SPMIP3: variants seen among roughly 807,000 people sequenced by gnomAD.
The protein encoded by SPMIP3 is protein SPMIP3.
At chr1:244,361,656 T>A in the SPMIP3 span, among the ~76,000 whole-genome samples, 1 of 152,202 alleles carries the variant, frequency 6.6e-6, no homozygotes, top group Non-Finnish European at 1.5e-5. Flanking sequence ...TATGCTTATA[T>A]AAAAATGGCA....
At chr1:244,363,522 C>A in the SPMIP3 span, among the ~76,000 whole-genome samples, 103,071 of 149,656 alleles carry the variant, frequency 0.69, 35,750 homozygotes, top group South Asian at 0.79. Flanking sequence ...GAATGGCTTA[C>A]AAAAAATCCT....
At chr1:244,383,233 T>A in the SPMIP3 span, among the ~76,000 whole-genome samples, 1 of 152,056 alleles carries the variant, frequency 6.6e-6, no homozygotes, top group Non-Finnish European at 1.5e-5. Context: ...TAACCATGGA[T>A]GGGTGTGGTG....
the SPMIP3 span, among the ~76,000 whole-genome samples, chr1:244,360,540 ACACACACACACACACACATG>A: frequency 5.1e-3 from 321 of 62,820 alleles, 1 homozygote; most frequent in African/African-American, 0.015. Context: ...ACACACACAC[ACACACACACACACACACATG>A]CATGCATGGA....
chr1:244,374,475 A>C, the SPMIP3 span, among the ~76,000 whole-genome samples: 1 of 152,188 alleles, frequency 6.6e-6, no homozygotes, highest in Non-Finnish European at 1.5e-5. Context: ...CAAAAGTAGA[A>C]AAAACCAGTA....
chr1:244,381,349 AC>A, the SPMIP3 span, among the ~76,000 whole-genome samples: 1 of 152,110 alleles, frequency 6.6e-6, no homozygotes, highest in Admixed American at 6.5e-5. Context: ...TTCCAAAGTG[AC>A]CTTCAACAGG....
the SPMIP3 span, among the ~76,000 whole-genome samples, chr1:244,368,844 T>C: frequency 0.38 from 58,024 of 152,184 alleles, 12,555 homozygotes; most frequent in Non-Finnish European, 0.51. Context: ...CACTTAGTAG[T>C]GGCCACATAA....
At chr1:244,371,456 T>C in the SPMIP3 span, among the ~76,000 whole-genome samples, 1 of 152,156 alleles carries the variant, frequency 6.6e-6, no homozygotes, top group African/African-American at 2.4e-5. Context: ...GCCATCCCTC[T>C]CTCCACACCC....
chr1:244,372,262 G>A, the SPMIP3 span, among the ~76,000 whole-genome samples: 3 of 152,214 alleles, frequency 2.0e-5, no homozygotes, highest in Admixed American at 6.5e-5. Flanking sequence ...TTGAGGACAA[G>A]CGCTGCTTCT....
chr1:244,378,023 A>C, the SPMIP3 span, among the ~76,000 whole-genome samples: 1 of 151,880 alleles, frequency 6.6e-6, no homozygotes, highest in Non-Finnish European at 1.5e-5. Context: ...CTCAGGCTGG[A>C]CTTGAACTCC....
chr1:244,373,883 G>A, the SPMIP3 span, among the ~76,000 whole-genome samples: 1 of 152,044 alleles, frequency 6.6e-6, no homozygotes, highest in African/African-American at 2.4e-5. Flanking sequence ...GGAGGCCAAG[G>A]TGGGCGGATC....
chr1:244,373,856 G>A, the SPMIP3 span, among the ~76,000 whole-genome samples: 1 of 152,102 alleles, frequency 6.6e-6, no homozygotes, highest in Non-Finnish European at 1.5e-5. Flanking sequence ...GCTCATGCCT[G>A]TAATCCCAGC....
chr1:244,389,213 GA>G, the SPMIP3 span: 1 of 632,786 alleles, frequency 1.6e-6, no homozygotes, highest in Non-Finnish European at 2.8e-6. Flanking sequence ...ATTCTTTGCA[GA>G]TTAAGTTGGT....
chr1:244,387,840 C>G, the SPMIP3 span, among the ~76,000 whole-genome samples: 1 of 151,574 alleles, frequency 6.6e-6, no homozygotes, highest in Admixed American at 6.6e-5. Context: ...AGAGAGTGGT[C>G]AAGGGTGACT....
At chr1:244,389,025 GA>G in the SPMIP3 span, 1 of 1,613,926 alleles carries the variant, frequency 6.2e-7, no homozygotes. Flanking sequence ...CTACTGTTGT[GA>G]AGAGAGAAGC....
the SPMIP3 span, among the ~76,000 whole-genome samples, chr1:244,376,970 G>T: frequency 1.3e-5 from 2 of 151,516 alleles, no homozygotes; most frequent in Non-Finnish European, 2.9e-5. Flanking sequence ...CATCACGCTC[G>T]GCTAATTTTG....
the SPMIP3 span, among the ~76,000 whole-genome samples, chr1:244,362,358 A>AG: frequency 5.3e-5 from 8 of 152,194 alleles, no homozygotes; most frequent in Non-Finnish European, 1.5e-5. Context: ...CTGCAGCCAG[A>AG]GGGTTCCAGC....
At chr1:244,363,232 A>C in the SPMIP3 span, among the ~76,000 whole-genome samples, 1 of 151,826 alleles carries the variant, frequency 6.6e-6, no homozygotes, top group Admixed American at 6.6e-5. Context: ...ATGGTGTGAA[A>C]CCCCATCTCT....
chr1:244,357,440 G>T, the SPMIP3 span, among the ~76,000 whole-genome samples: 3 of 151,876 alleles, frequency 2.0e-5, no homozygotes, highest in Non-Finnish European at 4.4e-5. Flanking sequence ...TGGGCGCAGG[G>T]GGCTCACGGC....
chr1:244,372,094 C>A, the SPMIP3 span, among the ~76,000 whole-genome samples: 106 of 152,306 alleles, frequency 7.0e-4, no homozygotes, highest in Non-Finnish European at 1.1e-3. Flanking sequence ...CCACTCAGAA[C>A]CTAATTCTGT....
Sources: gnomAD v4.1 joint callset for allele counts (sites outside exome capture counted in the v4.1 genomes callset) on GRCh38, gnomAD v4.1.1 for gene constraint, MANE v1.5 for transcripts, NCBI Gene and HGNC (gene_info 2026-07-23, HGNC 2026-07-21) for gene names.